Variants in RALYL observed in about 807,000 individuals in gnomAD.
RALYL encodes RALY RNA binding protein like, also known as RNA-binding Raly-like protein.
RALYL carries 29 observed loss-of-function variants against 35.1 expected under a neutral mutation model. The observed-to-expected ratio is 0.83, with a 90% confidence interval of 0.61 to 1.13. The LOEUF is 1.13. Among genes scored for constraint, RALYL ranks in the 50% most tolerant of loss-of-function variants. RALYL has a pLI of 0.00. For synonymous variants in RALYL, 120 were observed against 127.6 expected (o/e 0.94, Z 0.40); for missense variants, 359 against 360.4 (o/e 1.00, Z 0.03).
intron 4 of RALYL, among the ~76,000 whole-genome samples, chr8:84,839,294 T>G (rs902613733): frequency 3.3e-5 from 5 of 152,362 alleles, no homozygotes; most frequent in Non-Finnish European, 5.9e-5. Flanking sequence ...TCCAATGGTC[T>G]TAGCAAACGG....
intron 2 of RALYL, among the ~76,000 whole-genome samples, chr8:84,537,629 C>T (rs2059706171): frequency 6.6e-6 from 1 of 152,074 alleles, no homozygotes; most frequent in Non-Finnish European, 1.5e-5. Context: ...TATTGCCATC[C>T]TGTATCAGTG....
At chr8:84,685,948 A>G (rs1272220459) in intron 2 of RALYL, among the ~76,000 whole-genome samples, 15 of 152,144 alleles carry the variant, frequency 9.9e-5, no homozygotes, top group Admixed American at 5.9e-4. Context: ...AGGTGCAGAT[A>G]GGTGTGGCTT....
chr8:84,443,635 G>T (rs373394305), intron 1 of RALYL, among the ~76,000 whole-genome samples: 1 of 152,120 alleles, frequency 6.6e-6, no homozygotes, highest in African/African-American at 2.4e-5. Flanking sequence ...TCACAATCTC[G>T]ATGCCTGTAG....
chr8:84,855,545 A>C (rs1836785191), intron 5 of RALYL, among the ~76,000 whole-genome samples: 1 of 152,192 alleles, frequency 6.6e-6, no homozygotes, highest in Non-Finnish European at 1.5e-5. Flanking sequence ...CTTTTACACA[A>C]AGCATTGCCC....
intron 1 of RALYL, among the ~76,000 whole-genome samples, chr8:84,458,822 C>A (rs2133341648): frequency 6.6e-6 from 1 of 151,578 alleles, no homozygotes; most frequent in African/African-American, 2.4e-5. Context: ...AAATTATAAA[C>A]ATTAGTATTG....
intron 2 of RALYL, among the ~76,000 whole-genome samples, chr8:84,711,462 G>T (rs1427637072): frequency 6.6e-6 from 1 of 152,108 alleles, no homozygotes; most frequent in East Asian, 1.9e-4. Flanking sequence ...AAGTCCAAAA[G>T]ATATTGTTTG....
intron 1 of RALYL, among the ~76,000 whole-genome samples, chr8:84,498,951 A>G (rs2134179268): frequency 6.6e-6 from 1 of 152,296 alleles, no homozygotes; most frequent in Admixed American, 6.5e-5. Context: ...ATCCAAGGAA[A>G]TAAAGGAAAA....
At chr8:84,888,621 A>C (rs1454811076) in intron 8 of RALYL, among the ~76,000 whole-genome samples, 1 of 152,122 alleles carries the variant, frequency 6.6e-6, no homozygotes, top group Non-Finnish European at 1.5e-5. Flanking sequence ...TAGTTACTTA[A>C]CTCATTTTGT....
chr8:84,852,507 A>AT (rs1450440132), intron 5 of RALYL, among the ~76,000 whole-genome samples: 1 of 152,088 alleles, frequency 6.6e-6, no homozygotes, highest in Non-Finnish European at 1.5e-5. Context: ...TACTATAGCT[A>AT]TTTTTTCACT....
rs993733532 is a variant in RALYL at position 84,564,156 on chromosome 8, A to T, written c.256+34579A>T. Among the ~76,000 whole-genome samples the T allele has an allele frequency of 2.0e-5, 3 of 151,728 alleles. 1 individual carries two copies. The highest frequency in any genetic ancestry group is 1.3e-4 in the Admixed American group (2 of 15,180). On this transcript the variant is annotated intron_variant, in intron 2 of 8. Transcript: ENST00000521268. Reference sequence around the variant, plus strand: ...TTCAATATCATTATACTTAATTTTAAAAGTGGTACAAAATATAAGTTAGCT... The same window carrying T: ...TTCAATATCATTATACTTAATTTTATAAGTGGTACAAAATATAAGTTAGCT...
At chr8:84,775,333 T>G (rs1816589964) in intron 3 of RALYL, among the ~76,000 whole-genome samples, 1 of 152,214 alleles carries the variant, frequency 6.6e-6, no homozygotes, top group South Asian at 2.1e-4. Context: ...CACAAGACTC[T>G]TGCAATGTAG....
intron 4 of RALYL, among the ~76,000 whole-genome samples, chr8:84,846,523 T>C (rs1563734677): frequency 6.6e-6 from 1 of 152,208 alleles, no homozygotes; most frequent in Non-Finnish European, 1.5e-5. Context: ...GATGCTGACT[T>C]CATAGAGTGA....
intron 2 of RALYL, among the ~76,000 whole-genome samples, chr8:84,697,580 C>A (rs1020486835): frequency 6.6e-6 from 1 of 152,044 alleles, no homozygotes; most frequent in Non-Finnish European, 1.5e-5. Flanking sequence ...ACAATATATG[C>A]ACCTCTAGAA....
chr8:84,605,813 A>C (rs1816999939), intron 2 of RALYL, among the ~76,000 whole-genome samples: 1 of 152,102 alleles, frequency 6.6e-6, no homozygotes, highest in South Asian at 2.1e-4. Flanking sequence ...GGGAGAACAC[A>C]ACCCCGGATT....
chr8:84,901,339 A>C (rs533849395), intron 8 of RALYL, among the ~76,000 whole-genome samples: 2 of 152,316 alleles, frequency 1.3e-5, no homozygotes, highest in South Asian at 4.1e-4. Flanking sequence ...AACAGAAGAA[A>C]GGACAATTAT....
At chr8:84,453,158 A>T (rs565482268) in intron 1 of RALYL, among the ~76,000 whole-genome samples, 1 of 152,106 alleles carries the variant, frequency 6.6e-6, no homozygotes, top group South Asian at 2.1e-4. Flanking sequence ...GTATATGTCC[A>T]TACAAATATA....
At chr8:84,404,015 A>G (rs2043204063) in intron 1 of RALYL, among the ~76,000 whole-genome samples, 1 of 152,060 alleles carries the variant, frequency 6.6e-6, no homozygotes, top group Admixed American at 6.5e-5. Context: ...TGATTTTTGC[A>G]CATTGATTTT....
chr8:84,418,918 T>A (rs1385405559), intron 1 of RALYL, among the ~76,000 whole-genome samples: 1 of 152,132 alleles, frequency 6.6e-6, no homozygotes, highest in Non-Finnish European at 1.5e-5. Flanking sequence ...ATTTCCATCT[T>A]AAGTAGGCCT....
chr8:84,373,622 C>T (rs1856364452), intron 1 of RALYL, among the ~76,000 whole-genome samples: 1 of 151,906 alleles, frequency 6.6e-6, no homozygotes, highest in African/African-American at 2.4e-5. Flanking sequence ...TTATTGTGTC[C>T]CTTCAATATA....
Sources: gnomAD v4.1 joint callset for allele counts (sites outside exome capture counted in the v4.1 genomes callset) on GRCh38, gnomAD v4.1.1 for gene constraint, MANE v1.5 for transcripts, NCBI Gene and HGNC (gene_info 2026-07-23, HGNC 2026-07-21) for gene names.